Variants in PLSCR1 observed in about 807,000 individuals in gnomAD.
PLSCR1 encodes PL scramblase 1.
PLSCR1 carries 17 observed loss-of-function variants against 37.8 expected under a neutral mutation model. That is an observed-to-expected ratio of 0.45 (90% CI 0.31 to 0.68). PLSCR1 has a LOEUF of 0.68. Ranked by LOEUF, PLSCR1 falls within the 30% of genes least tolerant of loss-of-function variation. PLSCR1 has a pLI of 0.06. For missense variants in PLSCR1, 347 were observed against 380.9 expected, an observed-to-expected ratio of 0.91 and a Z score of 0.74; for synonymous variants, 116 against 125.9, an observed-to-expected ratio of 0.92 and a Z score of 0.53.
At chr3:146,530,991 T>G (rs1395127319) in intron 3 of PLSCR1, among the ~76,000 whole-genome samples, 1 of 152,224 alleles carries the variant, frequency 6.6e-6, no homozygotes, top group Non-Finnish European at 1.5e-5. Flanking sequence ...TCTAGGGAGC[T>G]ATAATACCAG....
intron 4 of PLSCR1, 80 bp downstream of exon 4, chr3:146,528,534 A>G: frequency 9.1e-7 from 1 of 1,102,908 alleles, no homozygotes; most frequent in Non-Finnish European, 1.4e-6. Flanking sequence ...ACTTTGGTGA[A>G]TTATTCATTT....
intron 2 of PLSCR1, among the ~76,000 whole-genome samples, chr3:146,534,843 T>C (rs528693767): frequency 1.3e-5 from 2 of 152,160 alleles, no homozygotes; most frequent in South Asian, 4.1e-4. Flanking sequence ...GCCACTGCAC[T>C]CCAGCCTGGG....
intron 8 of PLSCR1, 49 bp downstream of exon 8, chr3:146,516,957 T>G (rs1447139589): frequency 1.7e-6 from 2 of 1,144,528 alleles, no homozygotes; most frequent in South Asian, 3.0e-5. Flanking sequence ...CATTTCAGAA[T>G]GAACCTAGAG....
Position 146,538,539 on chromosome 3 carries a change from T to C in PLSCR1, c.-13-1974A>G, listed in dbSNP as rs551356435. On this transcript the variant is annotated intron_variant, in intron 1 of 8. Transcript: ENST00000342435. ...TCTTATAGGATACCTCTCTATAACA[T>C]GCTTAGCTTAAAAAAAAAATTCTAT... 9.2e-5 allele frequency among the ~76,000 whole-genome samples: 14 copies of C among 152,250 alleles called. 1 individual carries two copies. The South Asian group carries it at 2.7e-3, about 29-fold the overall frequency.
At chr3:146,535,897 G>C (rs2044259453) in intron 2 of PLSCR1, among the ~76,000 whole-genome samples, 1 of 152,132 alleles carries the variant, frequency 6.6e-6, no homozygotes, top group Non-Finnish European at 1.5e-5. Flanking sequence ...AGATGAAAGA[G>C]AGAATAAAGA....
At chr3:146,538,812 G>C (rs968519900) in intron 1 of PLSCR1, among the ~76,000 whole-genome samples, 2 of 151,734 alleles carry the variant, frequency 1.3e-5, no homozygotes, top group African/African-American at 4.8e-5. Context: ...AAATATTTTT[G>C]TCATCATTTT....
At chr3:146,542,553 G>A in intron 1 of PLSCR1, among the ~76,000 whole-genome samples, 1 of 152,144 alleles carries the variant, frequency 6.6e-6, no homozygotes, top group Non-Finnish European at 1.5e-5. Context: ...ATAAATTTCT[G>A]TCCTTTATAA....
At chr3:146,533,620 G>T in intron 2 of PLSCR1, 70 bp from the exon 3 acceptor site, 1 of 901,210 alleles carries the variant, frequency 1.1e-6, no homozygotes, top group Non-Finnish European at 1.8e-6. Flanking sequence ...ACAATGTATT[G>T]TACTTAGATA....
intron 4 of PLSCR1, chr3:146,527,986 T>A (rs1244433770): frequency 6.6e-6 from 1 of 152,172 alleles, no homozygotes. Context: ...AAATTAGGTC[T>A]TCCAAAGAAC....
intron 1 of PLSCR1, among the ~76,000 whole-genome samples, chr3:146,540,111 A>G (rs2044319509): frequency 6.6e-6 from 1 of 152,236 alleles, no homozygotes; most frequent in Non-Finnish European, 1.5e-5. Context: ...TTCATTTTAA[A>G]TTTCAGAAAT....
intron 1 of PLSCR1, among the ~76,000 whole-genome samples, chr3:146,540,583 A>G (rs1419987190): frequency 6.6e-6 from 1 of 152,180 alleles, no homozygotes; most frequent in African/African-American, 2.4e-5. Context: ...TAAAACTAAA[A>G]TTTGTTTACC....
At chr3:146,530,591 G>C (rs1214197242) in intron 3 of PLSCR1, among the ~76,000 whole-genome samples, 1 of 152,192 alleles carries the variant, frequency 6.6e-6, no homozygotes, top group African/African-American at 2.4e-5. Context: ...AGGTCTAAAA[G>C]ATGAGAAGAG....
intron 3 of PLSCR1, among the ~76,000 whole-genome samples, chr3:146,529,034 C>T (rs887196627): frequency 2.6e-5 from 4 of 152,050 alleles, no homozygotes; most frequent in Admixed American, 6.6e-5. Context: ...TGATAGTATG[C>T]GGTGAATAGC....
At chr3:146,541,395 A>C (rs1252250460) in intron 1 of PLSCR1, among the ~76,000 whole-genome samples, 1 of 152,228 alleles carries the variant, frequency 6.6e-6, no homozygotes, top group Admixed American at 6.5e-5. Context: ...TACTACTCTG[A>C]AAAGCCTTTC....
intron 5 of PLSCR1, among the ~76,000 whole-genome samples, chr3:146,522,297 T>C: frequency 6.6e-6 from 1 of 152,152 alleles, no homozygotes; most frequent in East Asian, 1.9e-4. Context: ...TGTTACCATG[T>C]CTGTGTAGAA....
At chr3:146,537,877 AG>A (rs35779307) in intron 1 of PLSCR1, 41,148 of 152,010 alleles carry the variant, frequency 0.27, 5,768 homozygotes, top group African/African-American at 0.32. Flanking sequence ...TTTAAAATAA[AG>A]GGTTTTTTTT....
chr3:146,522,922 A>G (rs574624425), intron 5 of PLSCR1, among the ~76,000 whole-genome samples: 7 of 152,344 alleles, frequency 4.6e-5, no homozygotes, highest in Admixed American at 3.3e-4. Flanking sequence ...CATCAAAAGC[A>G]CAGCACCTTT....
chr3:146,527,419 A>C (rs2044132886), intron 4 of PLSCR1, among the ~76,000 whole-genome samples: 1 of 152,234 alleles, frequency 6.6e-6, no homozygotes, highest in African/African-American at 2.4e-5. Flanking sequence ...CACGTAGTAC[A>C]TGTGCATTAA....
intron 3 of PLSCR1, among the ~76,000 whole-genome samples, chr3:146,532,789 A>G (rs2044216936): frequency 6.6e-6 from 1 of 152,176 alleles, no homozygotes; most frequent in Non-Finnish European, 1.5e-5. Flanking sequence ...AGTAGTTTTG[A>G]TAACTGCATT....
Sources: allele counts gnomAD v4.1 joint callset (sites outside exome capture counted in the v4.1 genomes callset), GRCh38; gene constraint gnomAD v4.1.1; transcripts MANE v1.5; gene names NCBI Gene and HGNC (gene_info 2026-07-23, HGNC 2026-07-21).